The following NASP variants were observed in gnomAD, a reference collection of about 807,000 sequenced individuals.
NASP encodes NASP histone chaperone.
NASP carries 24 observed loss-of-function variants against 89.5 expected under a neutral mutation model. The observed-to-expected ratio is 0.27, with a 90% CI of 0.19 to 0.38. NASP has a LOEUF of 0.38. Ranked by LOEUF, NASP falls within the 10% of genes least tolerant of loss-of-function variation. The pLI is 1.00. For missense variants in NASP, 848 were observed against 921.4 expected, an observed-to-expected ratio of 0.92 and a Z score of 1.03; for synonymous variants, 306 against 324.7, an observed-to-expected ratio of 0.94 and a Z score of 0.62.
intron 1 of NASP, among the ~76,000 whole-genome samples, chr1:45,584,550 G>T (rs1381300496): frequency 6.6e-6 from 1 of 152,178 alleles, no homozygotes; most frequent in African/African-American, 2.4e-5. Flanking sequence ...TGGCCTTCAC[G>T]CCCCTTCTGT....
intron 3 of NASP, among the ~76,000 whole-genome samples, chr1:45,603,499 A>G (rs929483416): frequency 2.0e-5 from 3 of 151,982 alleles, no homozygotes; most frequent in Admixed American, 6.6e-5. Context: ...ACTCCTGGAT[A>G]TCTGCAAAAA....
At chr1:45,597,696 T>G (rs531773135) in intron 2 of NASP, among the ~76,000 whole-genome samples, 1 of 152,308 alleles carries the variant, frequency 6.6e-6, no homozygotes, top group East Asian at 1.9e-4. Context: ...AGAGGCTTTT[T>G]GGGGGGCTTC....
chr1:45,584,707 GT>G (rs1644503525), intron 1 of NASP, among the ~76,000 whole-genome samples: 1 of 152,070 alleles, frequency 6.6e-6, no homozygotes, highest in Non-Finnish European at 1.5e-5. Flanking sequence ...TGAGGGCGGG[GT>G]TTTGCGCGCG....
At chr1:45,612,125 G>A (rs1405319227) in intron 6 of NASP, 1 of 151,580 alleles carries the variant, frequency 6.6e-6, no homozygotes, top group Non-Finnish European at 1.5e-5. Context: ...CGCCCGCCTC[G>A]GCCTCCCAAA....
rs766199995 is a variant in NASP, at chr1:45,614,378, T to C, written c.1666+12T>C. On this transcript the variant is annotated intron_variant, in intron 9 of 14. Transcript: ENST00000350030. ...TAGTGTTGAATCTGGTAATGCATTTTCCATTTTATACTCTCCTACTCTCTT... is the reference window on the plus strand; with the variant it reads ...TAGTGTTGAATCTGGTAATGCATTTCCCATTTTATACTCTCCTACTCTCTT... 1 of 1,593,890 alleles carries C rather than the reference T, an allele frequency of 6.3e-7. No individual in the cohort carries two copies.
At chr1:45,616,466 T>C in intron 12 of NASP, 73 bp downstream of exon 12, 7 of 1,551,266 alleles carry the variant, frequency 4.5e-6, no homozygotes, top group Non-Finnish European at 6.2e-6. Flanking sequence ...ATCCCAGCAT[T>C]TTGGGAGGCC....
chr1:45,604,748 A>G (rs563950634), intron 3 of NASP, among the ~76,000 whole-genome samples, 188 bp from the exon 4 acceptor site: 2 of 152,326 alleles, frequency 1.3e-5, no homozygotes, highest in Admixed American at 6.5e-5. Context: ...TATATATATT[A>G]TATATTGATA....
Position 45,588,658 on chromosome 1 carries a change from G to A in NASP, c.60-2565G>A, listed in dbSNP as rs535822981. ...TTTTTTGTTTCTCTTAAGAATGAGC[G>A]GCCGGGCGCGGTGGCTCACACCTGT... On this transcript the variant is annotated intron_variant, in intron 1 of 14. Transcript: ENST00000350030. 8 of 450,470 alleles carry A rather than the reference G, an allele frequency of 1.8e-5. No homozygotes were observed. In the East Asian group the frequency reaches 2.2e-4, roughly 12 times the overall value. The allele number at this position is 450,470 out of a possible 1,614,324, so 27.9% of individuals were successfully genotyped here. A position where few individuals can be genotyped will look rare whatever the true frequency, so the allele number is the denominator to read the frequency against.
At chr1:45,589,500 C>G (rs924839225) in intron 1 of NASP, among the ~76,000 whole-genome samples, 64 of 152,294 alleles carry the variant, frequency 4.2e-4, no homozygotes, top group African/African-American at 1.5e-3. Flanking sequence ...TAGTACTTCT[C>G]TGGATTCATG....
chr1:45,605,919 A>AGT (rs1643902887), intron 4 of NASP, among the ~76,000 whole-genome samples: 1 of 151,144 alleles, frequency 6.6e-6, no homozygotes, highest in South Asian at 2.1e-4. Flanking sequence ...TGGGATTACA[A>AGT]GTATGCGCCA....
intron 1 of NASP, among the ~76,000 whole-genome samples, chr1:45,584,411 G>C (rs1248187656): frequency 6.6e-6 from 1 of 152,162 alleles, no homozygotes; most frequent in Admixed American, 6.5e-5. Context: ...GTCGGCTGGC[G>C]CCCCCTGCCC....
chr1:45,608,622 C>T (rs942678593), intron 6 of NASP, among the ~76,000 whole-genome samples: 3 of 151,630 alleles, frequency 2.0e-5, no homozygotes, highest in Non-Finnish European at 4.4e-5. Flanking sequence ...TAACTTGTTG[C>T]AGCATACTAG....
At chr1:45,599,042 CCT>C (rs1281151099) in intron 2 of NASP, among the ~76,000 whole-genome samples, 1 of 152,016 alleles carries the variant, frequency 6.6e-6, no homozygotes, top group Non-Finnish European at 1.5e-5. Flanking sequence ...AGAATCTAAC[CCT>C]CTCTAATACT....
At chr1:45,586,286 T>TGTGTGTGTGTGTGTG (rs1644544241) in intron 1 of NASP, among the ~76,000 whole-genome samples, 8 of 88,372 alleles carry the variant, frequency 9.1e-5, no homozygotes, top group African/African-American at 3.7e-4. Context: ...GTGTGTGTGG[T>TGTGTGTGTGTGTGTG]GTGTGTGTGT....
intron 1 of NASP, among the ~76,000 whole-genome samples, chr1:45,586,555 C>T (rs1344382406): frequency 6.6e-6 from 1 of 152,016 alleles, no homozygotes; most frequent in African/African-American, 2.4e-5. Flanking sequence ...TCTCAAAGTG[C>T]TGAGATTACC....
intron 1 of NASP, among the ~76,000 whole-genome samples, chr1:45,586,264 GTGTGTGTGTGTGTGTGTGTGGT>G (rs1220973539): frequency 0.018 from 1,264 of 72,028 alleles, 17 homozygotes; most frequent in African/African-American, 0.059. Flanking sequence ...GTGTGTGTGT[GTGTGTGTGTGTGTGTGTGTGGT>G]GTGTGTGTGT....
rs944124745 is a variant in NASP at position 45,600,305 on chromosome 1, T to G, written c.108-1950T>G. On this transcript the variant is annotated intron_variant, in intron 2 of 14. Coordinates refer to ENST00000350030, the MANE Select transcript of NASP (RefSeq NM_002482.4). ...ACATATGTATACACCTGTAAACCAT[T>G]ATCACAATCAAGATAATGAGTATTT... The G allele has an allele frequency of 1.1e-5, 12 of 1,057,132 alleles. No individual in the cohort carries two copies. The African/African-American group carries it at 1.9e-4, about 16-fold the overall frequency. 65.5% of individuals were successfully genotyped at this position (1,057,132 alleles called of 1,614,324 possible). A position where few individuals can be genotyped will look rare whatever the true frequency, so the allele number is the denominator to read the frequency against.
chr1:45,595,972 A>G (rs1385859561), intron 2 of NASP, among the ~76,000 whole-genome samples: 2 of 152,164 alleles, frequency 1.3e-5, no homozygotes, highest in Non-Finnish European at 2.9e-5. Context: ...AGAATGTTTT[A>G]TTTGAAAGTT....
intron 1 of NASP, among the ~76,000 whole-genome samples, chr1:45,584,826 C>CT: frequency 6.6e-6 from 1 of 152,286 alleles, no homozygotes; most frequent in East Asian, 1.9e-4. Flanking sequence ...TTTGGACTAT[C>CT]TCCGTGGGGC....
Sources: gnomAD v4.1 joint callset for allele counts (sites outside exome capture counted in the v4.1 genomes callset) on GRCh38, gnomAD v4.1.1 for gene constraint, MANE v1.5 for transcripts, NCBI Gene and HGNC (gene_info 2026-07-23, HGNC 2026-07-21) for gene names.